XIRP2: variants seen among roughly 807,000 people sequenced by gnomAD.
The protein encoded by XIRP2 is xin actin binding repeat containing 2.
A neutral mutation model predicts 277.0 loss-of-function variants in XIRP2; 236 were observed. The ratio of observed to expected loss-of-function variants is 0.85; its 90% CI spans 0.77 to 0.95. The LOEUF is 0.95. XIRP2 is among the 40% of genes least tolerant of loss of function. XIRP2 has a pLI of 0.00. For synonymous variants in XIRP2, 1,490 were observed against 1,416.5 expected, an observed-to-expected ratio of 1.05 and a Z score of -1.17; for missense variants, 4,640 against 4,157.5, an observed-to-expected ratio of 1.12 and a Z score of -3.19.
At chr2:167,162,378 T>G (rs1263113251) in intron 3 of XIRP2, among the ~76,000 whole-genome samples, 1 of 152,206 alleles carries the variant, frequency 6.6e-6, no homozygotes, top group Non-Finnish European at 1.5e-5. Context: ...AGAAAGAAGT[T>G]TAATGGACTG....
At chr2:167,155,441 T>C (rs1218735981) in intron 3 of XIRP2, among the ~76,000 whole-genome samples, 2 of 152,034 alleles carry the variant, frequency 1.3e-5, no homozygotes, top group Non-Finnish European at 2.9e-5. Context: ...GCTGGTTCAA[T>C]ATATGCAAAT....
intron 3 of XIRP2, among the ~76,000 whole-genome samples, chr2:167,201,353 G>A (rs1018780957): frequency 1.4e-4 from 21 of 151,620 alleles, no homozygotes; most frequent in Non-Finnish European, 7.4e-5. Context: ...AAGAAGGAAG[G>A]AAGGAAGGAA....
intron 2 of XIRP2, among the ~76,000 whole-genome samples, chr2:167,025,998 C>A (rs1223766626): frequency 3.3e-5 from 5 of 152,002 alleles, no homozygotes; most frequent in Admixed American, 6.6e-5. Context: ...GAGTTCAATT[C>A]CTGGGTATCC....
At chr2:167,087,133 C>T (rs1051181335) in intron 2 of XIRP2, among the ~76,000 whole-genome samples, 2 of 151,982 alleles carry the variant, frequency 1.3e-5, no homozygotes, top group African/African-American at 4.8e-5. Flanking sequence ...TGTGGATGTC[C>T]TTTCTGTTTG....
At chr2:167,099,501 C>T (rs1690428183) in intron 2 of XIRP2, among the ~76,000 whole-genome samples, 1 of 152,170 alleles carries the variant, frequency 6.6e-6, no homozygotes, top group Non-Finnish European at 1.5e-5. Flanking sequence ...CTTCAGCCCC[C>T]TTTCCAGGAG....
intron 2 of XIRP2, among the ~76,000 whole-genome samples, chr2:166,911,838 G>A (rs1172190968): frequency 2.0e-5 from 3 of 152,028 alleles, no homozygotes; most frequent in Admixed American, 6.6e-5. Flanking sequence ...TTGCTTGTCT[G>A]TAAAGTATTT....
chr2:167,104,229 G>A (rs1209913956), intron 2 of XIRP2, among the ~76,000 whole-genome samples: 1 of 151,932 alleles, frequency 6.6e-6, no homozygotes, highest in African/African-American at 2.4e-5. Context: ...ATTACTTTTT[G>A]TGTTTCATTT....
chr2:167,157,242 T>C (rs1288877232), intron 3 of XIRP2, among the ~76,000 whole-genome samples: 1 of 152,164 alleles, frequency 6.6e-6, no homozygotes, highest in Non-Finnish European at 1.5e-5. Flanking sequence ...ACTGCTGATT[T>C]GTCCCTCACA....
At chr2:167,149,255 C>G (rs1478371941) in intron 3 of XIRP2, among the ~76,000 whole-genome samples, 2 of 152,120 alleles carry the variant, frequency 1.3e-5, no homozygotes, top group Non-Finnish European at 2.9e-5. Context: ...ACTTAATTCA[C>G]TATGCAGATA....
chr2:167,203,231 GC>G (rs1386562280), intron 3 of XIRP2, among the ~76,000 whole-genome samples: 1 of 152,194 alleles, frequency 6.6e-6, no homozygotes, highest in African/African-American at 2.4e-5. Context: ...CTACTACAAT[GC>G]TAAATCTTGT....
chr2:166,903,624 G>T lies in XIRP2; in HGVS notation c.142G>T (p.Gly48Ter). The change falls in exon 2 of 11, where the codon GGA becomes TGA. Residue 48 changes from glycine (G) to a stop codon, truncating the protein, a stop_gained. Transcript: ENST00000409195. LOFTEE classifies it high-confidence loss of function. ...GGAAAGCAAATTGCTTGCGCCTGAAGGAGAGGTAGTATCAGCACCTCAATC... is the reference window on the plus strand; with the variant it reads ...GGAAAGCAAATTGCTTGCGCCTGAATGAGAGGTAGTATCAGCACCTCAATC... Reference protein sequence around the residue: ...PQESKLLAPEGEVVSAPQSLD... With the variant: ...PQESKLLAPE The T allele has an allele frequency of 6.2e-7, 1 of 1,613,634 alleles. No individual in the cohort carries two copies.
At chr2:167,100,091 G>C (rs1016816963) in intron 2 of XIRP2, among the ~76,000 whole-genome samples, 1 of 151,110 alleles carries the variant, frequency 6.6e-6, no homozygotes, top group African/African-American at 2.4e-5. Flanking sequence ...CCACTGAATT[G>C]TAGAATTGAG....
chr2:167,159,771 A>T lies in XIRP2; in HGVS notation c.562+23709A>T, dbSNP rs535629291. ...GATGATGCTTTTCAACATGCTTAGGACATAACTGGTACATATATGACACAA... is the reference window on the plus strand; with the variant it reads ...GATGATGCTTTTCAACATGCTTAGGTCATAACTGGTACATATATGACACAA... On this transcript the variant is annotated intron_variant, in intron 3 of 10. Coordinates refer to ENST00000409195, the MANE Select transcript of XIRP2 (RefSeq NM_152381.6). 3.3e-5 allele frequency among the ~76,000 whole-genome samples: 5 copies of T among 152,312 alleles called. No individual in the cohort carries two copies. The South Asian group carries it at 1.0e-3, about 32-fold the overall frequency.
At chr2:166,997,644 C>T (rs181816172) in intron 2 of XIRP2, among the ~76,000 whole-genome samples, 23 of 152,176 alleles carry the variant, frequency 1.5e-4, no homozygotes, top group Admixed American at 1.0e-3. Flanking sequence ...CAGTGGCTCA[C>T]GCCTGTAATC....
intron 2 of XIRP2, among the ~76,000 whole-genome samples, chr2:166,939,294 C>G (rs1182635285): frequency 2.6e-5 from 4 of 152,090 alleles, no homozygotes; most frequent in African/African-American, 4.8e-5. Context: ...CTGGTGGTGA[C>G]AAAATCTCTC....
intron 3 of XIRP2, among the ~76,000 whole-genome samples, chr2:167,151,755 A>T (rs1328205957): frequency 6.6e-6 from 1 of 151,900 alleles, no homozygotes; most frequent in African/African-American, 2.4e-5. Flanking sequence ...CTTTCTGGCT[A>T]AGAATGCAGA....
chr2:166,975,805 A>G, intron 2 of XIRP2, among the ~76,000 whole-genome samples: 1 of 151,848 alleles, frequency 6.6e-6, no homozygotes, highest in Admixed American at 6.6e-5. Context: ...GGGCACCTGT[A>G]GTCCCAGCTA....
chr2:167,231,532 A>G (rs1379264937), intron 5 of XIRP2, among the ~76,000 whole-genome samples: 1 of 151,842 alleles, frequency 6.6e-6, no homozygotes, highest in Non-Finnish European at 1.5e-5. Context: ...CTCAGTGTTC[A>G]TAAATAATAT....
At chr2:167,030,379 C>A (rs368351653) in intron 2 of XIRP2, among the ~76,000 whole-genome samples, 2 of 152,090 alleles carry the variant, frequency 1.3e-5, no homozygotes, top group East Asian at 3.9e-4. Flanking sequence ...CTAAACACTG[C>A]TTTATCTGGG....
Sources: gnomAD v4.1 joint callset for allele counts (sites outside exome capture counted in the v4.1 genomes callset) on GRCh38, gnomAD v4.1.1 for gene constraint, MANE v1.5 for transcripts, NCBI Gene and HGNC (gene_info 2026-07-23, HGNC 2026-07-21) for gene names.